Variants in ZMYND11 observed in about 807,000 individuals in gnomAD.
ZMYND11 encodes zinc finger MYND-type containing 11, also known as zinc finger MYND domain-containing protein 11.
Under a neutral mutation model 84.9 loss-of-function variants are expected in ZMYND11, and 9 were observed. The ratio of observed to expected loss-of-function variants is 0.11; its 90% CI spans 0.06 to 0.18. ZMYND11 has a LOEUF of 0.18. Among genes scored for constraint, ZMYND11 ranks in the 10% least tolerant of loss-of-function variants. The pLI is 1.00. For missense variants in ZMYND11, 409 were observed against 761.0 expected (o/e 0.54, Z 5.44); for synonymous variants, 250 against 244.1 (o/e 1.02, Z -0.23).
intron 1 of ZMYND11, among the ~76,000 whole-genome samples, chr10:138,057 T>C (rs912793541): frequency 6.6e-6 from 1 of 152,126 alleles, no homozygotes; most frequent in African/African-American, 2.4e-5. Flanking sequence ...AAGAAATCAA[T>C]TAAAATGTTA....
At chr10:242,242 T>C (rs1188416962) in intron 10 of ZMYND11, 103 bp downstream of exon 10, 4 of 1,409,732 alleles carry the variant, frequency 2.8e-6, no homozygotes, top group Non-Finnish European at 3.8e-6. Flanking sequence ...TATTTTAAAT[T>C]GGAAAAAAAA....
chr10:152,776 G>A (rs575554827), intron 1 of ZMYND11, among the ~76,000 whole-genome samples: 54 of 152,232 alleles, frequency 3.5e-4, no homozygotes, highest in African/African-American at 1.3e-3. Flanking sequence ...TCAGCACCAC[G>A]TTGCACTTAT....
At chr10:240,422 T>C (rs1392238517) in intron 8 of ZMYND11, among the ~76,000 whole-genome samples, 2 of 152,220 alleles carry the variant, frequency 1.3e-5, no homozygotes, top group Non-Finnish European at 2.9e-5. Context: ...GAGAATCGCT[T>C]GAACGTGGAA....
chr10:252,263 C>T lies in ZMYND11; in HGVS notation c.1687-85C>T. On this transcript the variant is annotated intron_variant, in intron 14 of 14. Transcript: ENST00000381604. The surrounding 1 kb of genome is among the most constrained non-coding windows in gnomAD (Gnocchi z 4.6). The stretch of plus-strand genomic sequence containing the variant: ...TTGAGCCAGAAAGATCTTTTAAAAG[C>T]ACCACCTCAAGAGTTTGCCATTTTA... 1 of 1,482,690 alleles carries T rather than the reference C, an allele frequency of 6.7e-7. No homozygotes were observed. The highest frequency in any genetic ancestry group is 9.2e-7 in the Non-Finnish European group (1 of 1,088,188). The allele number at this position is 1,482,690 out of a possible 1,614,324, so 91.8% of individuals were successfully genotyped here. A position where few individuals can be genotyped will look rare whatever the true frequency, so the allele number is the denominator to read the frequency against.
At chr10:235,043 T>G (rs997473253) in intron 4 of ZMYND11, among the ~76,000 whole-genome samples, 1 of 151,312 alleles carries the variant, frequency 6.6e-6, no homozygotes, top group Non-Finnish European at 1.5e-5. Flanking sequence ...AAAAGGAGAG[T>G]GGTTTTAAGT....
chr10:211,585 T>A (rs1945244584), intron 3 of ZMYND11, among the ~76,000 whole-genome samples: 1 of 152,210 alleles, frequency 6.6e-6, no homozygotes, highest in African/African-American at 2.4e-5. Context: ...AGGTATAAAC[T>A]TAGAAAAGCT....
chr10:172,208 G>A (rs753347955), intron 1 of ZMYND11, among the ~76,000 whole-genome samples: 1 of 152,134 alleles, frequency 6.6e-6, no homozygotes, highest in Non-Finnish European at 1.5e-5. Flanking sequence ...AATTTCCCAC[G>A]TGAATTTTGG....
intron 10 of ZMYND11, 68 bp from the exon 11 acceptor site, chr10:246,698 A>AG: frequency 1.0e-5 from 15 of 1,473,870 alleles, no homozygotes; most frequent in Non-Finnish European, 1.3e-5. Context: ...GGTCCACTGA[A>AG]GCCCTCTTTT....
At chr10:191,429 G>A (rs1331976969) in intron 2 of ZMYND11, among the ~76,000 whole-genome samples, 1 of 152,182 alleles carries the variant, frequency 6.6e-6, no homozygotes, top group Non-Finnish European at 1.5e-5. Context: ...CAACAACTGT[G>A]AAGTTTAAAT....
intron 4 of ZMYND11, among the ~76,000 whole-genome samples, chr10:223,032 C>CTTTTTTTT (rs11362687): frequency 6.9e-6 from 1 of 144,136 alleles, no homozygotes. Flanking sequence ...TTCCTTTACT[C>CTTTTTTTT]TTTTTTTTTT....
chr10:180,294 CACAA>C (rs1372307656), intron 2 of ZMYND11, among the ~76,000 whole-genome samples, 166 bp downstream of exon 2: 1 of 152,166 alleles, frequency 6.6e-6, no homozygotes, highest in Non-Finnish European at 1.5e-5. Flanking sequence ...CAGAAACATA[CACAA>C]ACAACTTGTG....
rs575355127 is a variant in ZMYND11, at chr10:158,919, ATTG to A, written c.-19-21070_-19-21068del. Among the ~76,000 whole-genome samples, 13 of 129,998 alleles carry A rather than the reference ATTG, an allele frequency of 1.0e-4. No homozygotes were observed. In the East Asian group the frequency reaches 3.1e-3, roughly 31 times the overall value. 85.3% of individuals were successfully genotyped at this position (129,998 alleles called of 152,430 possible). On this transcript the variant is annotated intron_variant, in intron 1 of 14. Transcript: ENST00000381604. ...TTTTAATTGCGTTATCTGTATTTCT[ATTG>A]TTGTAATAATTTTATTCCAAATAGA... is the stretch of plus-strand genomic sequence containing the variant.
At chr10:160,985 A>G (rs1271869475) in intron 1 of ZMYND11, among the ~76,000 whole-genome samples, 1 of 123,270 alleles carries the variant, frequency 8.1e-6, no homozygotes, top group Admixed American at 1.0e-4. Context: ...TTTTTGAGAC[A>G]GGGTCGTGCT....
intron 2 of ZMYND11, among the ~76,000 whole-genome samples, chr10:200,325 T>A (rs927045450): frequency 7.5e-5 from 10 of 133,764 alleles, no homozygotes; most frequent in Non-Finnish European, 1.3e-4. Flanking sequence ...TAACATATAA[T>A]ATGTATTATA....
At chr10:133,692 G>A (rs1328456189), upstream of ZMYND11, among the ~76,000 whole-genome samples, 4 of 152,168 alleles carry the variant, frequency 2.6e-5, no homozygotes, top group Non-Finnish European at 5.9e-5. Context: ...CTCACTGAAA[G>A]CTCTTCATTG....
chr10:237,125 A>G (rs578048869), intron 5 of ZMYND11, among the ~76,000 whole-genome samples: 24 of 152,202 alleles, frequency 1.6e-4, no homozygotes, highest in Non-Finnish European at 2.4e-4. Context: ...TTGGACATAG[A>G]CATTTTGACA....
chr10:225,544 C>T (rs1010135624), intron 4 of ZMYND11, among the ~76,000 whole-genome samples: 5 of 152,106 alleles, frequency 3.3e-5, no homozygotes, highest in Admixed American at 6.5e-5. Context: ...GACAGGGTCT[C>T]GCTGTATTGC....
At position 252,506 on chromosome 10, in the gene ZMYND11, CTT is replaced by C. The variant is rs1953710692; in HGVS notation, c.*39_*40del. Reference sequence around the variant, plus strand: ...TCCCGGAGTCACCCCGATGATTACTCTTTTCAGACACAGCGGTTTTTGTTTCC... The same window carrying C: ...TCCCGGAGTCACCCCGATGATTACTCTTCAGACACAGCGGTTTTTGTTTCC... On this transcript the variant is annotated 3_prime_UTR_variant, in exon 15 of 15. Transcript: ENST00000381604. The surrounding 1 kb of genome is among the most constrained non-coding windows in gnomAD (Gnocchi z 4.6). 4 of 1,577,314 alleles carry C rather than the reference CTT, an allele frequency of 2.5e-6. No homozygotes were observed. Among genetic ancestry groups the C allele is most frequent in the Non-Finnish European group, 3.4e-6 (4 of 1,163,100 alleles).
intron 3 of ZMYND11, among the ~76,000 whole-genome samples, chr10:210,406 G>A (rs1286616920): frequency 6.6e-6 from 1 of 152,216 alleles, no homozygotes; most frequent in East Asian, 1.9e-4. Context: ...ACAGATAGAA[G>A]GGGATGAACC....
Sources: gnomAD v4.1 joint callset for allele counts (sites outside exome capture counted in the v4.1 genomes callset) on GRCh38, gnomAD v4.1.1 for gene constraint, Gnocchi (gnomAD v3.1) non-coding constraint, MANE v1.5 for transcripts, NCBI Gene and HGNC (gene_info 2026-07-23, HGNC 2026-07-21) for gene names.